The following HS3ST4 variants were observed in gnomAD, a reference collection of about 807,000 sequenced individuals.
The protein encoded by HS3ST4 is heparan sulfate glucosamine 3-O-sulfotransferase 4.
A neutral mutation model predicts 29.2 loss-of-function variants in HS3ST4; 17 were observed. The ratio of observed to expected loss-of-function variants is 0.58; its 90% CI spans 0.40 to 0.87. HS3ST4 has a LOEUF of 0.87. HS3ST4 is among the 40% of genes least tolerant of loss of function. The pLI is 0.00. For synonymous variants in HS3ST4, 314 were observed against 285.7 expected (o/e 1.10, Z -1.00); for missense variants, 627 against 634.5 (o/e 0.99, Z 0.13).
chr16:25,846,647 T>C (rs922777469), intron 1 of HS3ST4, among the ~76,000 whole-genome samples: 3 of 152,182 alleles, frequency 2.0e-5, no homozygotes, highest in Non-Finnish European at 4.4e-5. Flanking sequence ...AATTCTGTTA[T>C]ATTTGTTTAT....
chr16:25,951,370 T>C (rs1035556406), intron 1 of HS3ST4, among the ~76,000 whole-genome samples: 1 of 152,148 alleles, frequency 6.6e-6, no homozygotes, highest in Non-Finnish European at 1.5e-5. Flanking sequence ...TACAATCGAG[T>C]TGATATTAGG....
rs569447503 is a variant in HS3ST4, at chr16:26,077,769, G to A, written c.735-57843G>A. ...TGTTTATCTTAAGCATTTTCAATAA[G>A]CCTCAAAAATGAACCGTGTGGTTGG... On this transcript the variant is annotated intron_variant, in intron 1 of 1. Coordinates refer to ENST00000331351, the MANE Select transcript of HS3ST4 (RefSeq NM_006040.3). Among the ~76,000 whole-genome samples the A allele has an allele frequency of 2.0e-3, 309 of 152,354 alleles. 1 individual carries two copies. The highest frequency in any genetic ancestry group is 7.0e-3 in the African/African-American group (292 of 41,576).
chr16:25,698,110 T>C (rs1258145124), intron 1 of HS3ST4, among the ~76,000 whole-genome samples: 3 of 152,094 alleles, frequency 2.0e-5, no homozygotes, highest in Non-Finnish European at 4.4e-5. Context: ...AAAAAATTTT[T>C]TTAAAGACAG....
chr16:25,943,349 A>G lies in HS3ST4; in HGVS notation c.735-192263A>G, dbSNP rs548972280. The stretch of plus-strand genomic sequence containing the variant: ...TGGAGCAACATGAGGTGCTGTTTAT[A>G]ATATCAGTGGTAAGTGCAGGTTACA... On this transcript the variant is annotated intron_variant, in intron 1 of 1. Coordinates refer to ENST00000331351, the MANE Select transcript of HS3ST4 (RefSeq NM_006040.3). Among the ~76,000 whole-genome samples, 3 of 152,322 alleles carry G rather than the reference A, an allele frequency of 2.0e-5. No homozygotes were observed. In the South Asian group the frequency reaches 6.2e-4, roughly 32 times the overall value.
chr16:25,835,904 AAG>A (rs1345269761), intron 1 of HS3ST4, among the ~76,000 whole-genome samples: 3 of 152,166 alleles, frequency 2.0e-5, no homozygotes, highest in Non-Finnish European at 4.4e-5. Flanking sequence ...ACTGAAGCAG[AAG>A]AGAACTTAGT....
intron 1 of HS3ST4, among the ~76,000 whole-genome samples, chr16:26,005,700 G>T (rs1969251517): frequency 6.7e-6 from 1 of 149,478 alleles, no homozygotes; most frequent in African/African-American, 2.5e-5. Flanking sequence ...GCCACGAGGG[G>T]ATAATAAGAT....
intron 1 of HS3ST4, among the ~76,000 whole-genome samples, chr16:26,071,006 C>A (rs2141777273): frequency 6.6e-6 from 1 of 152,292 alleles, no homozygotes; most frequent in East Asian, 1.9e-4. Flanking sequence ...ACATTCTGTG[C>A]TTTTATGAAT....
chr16:25,902,034 C>T (rs1025307341), intron 1 of HS3ST4, among the ~76,000 whole-genome samples: 2 of 152,208 alleles, frequency 1.3e-5, no homozygotes, highest in African/African-American at 4.8e-5. Context: ...TGCATCACAT[C>T]TCCACCACGA....
chr16:25,875,437 A>G (rs1746997919), intron 1 of HS3ST4, among the ~76,000 whole-genome samples: 1 of 152,036 alleles, frequency 6.6e-6, no homozygotes, highest in Admixed American at 6.6e-5. Context: ...GACTCTGTAG[A>G]CCTCATTTCC....
chr16:26,034,428 C>T (rs1969564168), intron 1 of HS3ST4, among the ~76,000 whole-genome samples: 2 of 152,150 alleles, frequency 1.3e-5, no homozygotes, highest in South Asian at 2.1e-4. Context: ...CCTGTGCTGG[C>T]CTGATAGGGT....
At chr16:25,822,426 G>A (rs1270756202) in intron 1 of HS3ST4, among the ~76,000 whole-genome samples, 2 of 152,054 alleles carry the variant, frequency 1.3e-5, no homozygotes, top group African/African-American at 4.8e-5. Flanking sequence ...ATGAATTTTG[G>A]GGGGACACAA....
intron 1 of HS3ST4, among the ~76,000 whole-genome samples, chr16:26,108,829 G>A (rs1156409145): frequency 6.6e-6 from 1 of 152,150 alleles, no homozygotes; most frequent in Non-Finnish European, 1.5e-5. Context: ...ACCGGACTTA[G>A]CAGAGTGGCT....
intron 1 of HS3ST4, among the ~76,000 whole-genome samples, chr16:25,803,404 C>A (rs937986183): frequency 6.6e-6 from 1 of 152,134 alleles, no homozygotes; most frequent in Non-Finnish European, 1.5e-5. Flanking sequence ...ATTTCTTGAG[C>A]ACTTGTTCTT....
chr16:25,731,599 C>T (rs1966570348), intron 1 of HS3ST4, among the ~76,000 whole-genome samples: 1 of 152,104 alleles, frequency 6.6e-6, no homozygotes, highest in South Asian at 2.1e-4. Context: ...CCTTGGCTTC[C>T]CAAAGTGCTG....
intron 1 of HS3ST4, among the ~76,000 whole-genome samples, chr16:26,099,294 A>G (rs546169352): frequency 6.6e-6 from 1 of 152,292 alleles, no homozygotes; most frequent in Admixed American, 6.5e-5. Flanking sequence ...GGCTGAGACT[A>G]CAGGTGGATG....
chr16:25,955,063 A>G (rs1402206253), intron 1 of HS3ST4, among the ~76,000 whole-genome samples: 1 of 152,218 alleles, frequency 6.6e-6, no homozygotes, highest in East Asian at 1.9e-4. Flanking sequence ...GGGTGGTCCC[A>G]TGCAGGGTGT....
At chr16:25,871,359 G>C (rs1263435689) in intron 1 of HS3ST4, among the ~76,000 whole-genome samples, 1 of 152,178 alleles carries the variant, frequency 6.6e-6, no homozygotes, top group Non-Finnish European at 1.5e-5. Context: ...GATCTGAGAG[G>C]CATATTTTTG....
At chr16:25,775,407 T>C (rs1966846695) in intron 1 of HS3ST4, among the ~76,000 whole-genome samples, 1 of 152,178 alleles carries the variant, frequency 6.6e-6, no homozygotes, top group South Asian at 2.1e-4. Context: ...TGTTATATGG[T>C]TTACTAGGAA....
At chr16:25,718,077 G>A (rs1295295466) in intron 1 of HS3ST4, among the ~76,000 whole-genome samples, 2 of 152,118 alleles carry the variant, frequency 1.3e-5, no homozygotes, top group Non-Finnish European at 2.9e-5. Flanking sequence ...TAACAGGATG[G>A]GAGAATGATG....
Sources: allele counts gnomAD v4.1 joint callset (sites outside exome capture counted in the v4.1 genomes callset), GRCh38; gene constraint gnomAD v4.1.1; transcripts MANE v1.5; gene names NCBI Gene and HGNC (gene_info 2026-07-23, HGNC 2026-07-21).